The following MAGEA6 variants were observed in gnomAD, a reference collection of about 807,000 sequenced individuals.
The protein encoded by MAGEA6 is MAGE family member A6.
For synonymous variants in MAGEA6, 100 were observed against 98.8 expected, an observed-to-expected ratio of 1.01 and a Z score of -0.07; for missense variants, 281 against 231.4, an observed-to-expected ratio of 1.21 and a Z score of -1.39.
intron 2 of MAGEA6, 35 bp from the exon 3 acceptor site, chrX:152,767,750 T>C (rs1556837144): frequency 2.7e-6 from 1 of 377,081 alleles, no homozygotes; most frequent in South Asian, 3.5e-5. Context: ...AGACCTCAGC[T>C]GAGTACTGAA....
Position 152,766,812 on chromosome X carries a change from T to A in MAGEA6, c.839A>T (p.Glu280Val), listed in dbSNP as rs2124947704. The change falls in exon 3 of 3, where the codon GAA (glutamate) becomes GTA (valine). Residue 280 changes from glutamate to valine, a missense_variant. Coordinates refer to ENST00000329342, the MANE Select transcript of MAGEA6 (RefSeq NM_005363.5). ...GTGCAGGACTTTCACATAGCTGGTTTCAATGAGGGCCCTTGGACCCCACAG... is the reference window on the plus strand; with the variant it reads ...GTGCAGGACTTTCACATAGCTGGTTACAATGAGGGCCCTTGGACCCCACAG... ...EFLWGPRALI[E>V]TSYVKVLHHM... is the part of the protein sequence containing the mutation. 1 of 1,210,867 alleles carries A rather than the reference T, an allele frequency of 8.3e-7. No individual in the cohort carries two copies. The highest frequency in any genetic ancestry group is 1.1e-6 in the Non-Finnish European group (1 of 894,776).
Position 152,767,019 on chromosome X carries a change from T to G in MAGEA6, c.632A>C (p.Lys211Thr). 7 of 1,210,548 alleles carry G rather than the reference T, an allele frequency of 5.8e-6. No homozygotes were observed. The highest frequency in any genetic ancestry group is 7.8e-6 in the Non-Finnish European group (7 of 894,659). Residue 211 changes from lysine to threonine, a missense_variant, in exon 3 of 3, where the codon AAA (lysine) becomes ACA (threonine). Physicochemically the swap from Lys to Thr is moderately conservative, Grantham distance 78. Transcript: ENST00000329342. ...CTCCTCAGGGGCACAGTCGCCCTCT[T>G]TTGCGATTATGGCCAGGATGATTAT... is the stretch of plus-strand genomic sequence containing the variant. ...FLIIILAIIA[K>T]EGDCAPEEKI...
rs782213540 is a variant in MAGEA6, at chrX:152,766,744, G to C, written c.907C>G (p.Leu303Val). 13 of 1,210,630 alleles carry C rather than the reference G, an allele frequency of 1.1e-5. No homozygotes were observed. Among genetic ancestry groups the C allele is most frequent in the South Asian group, 1.8e-5 (1 of 56,818 alleles). ...TCTCTCAAAGCCCACTCATGCAGGA[G>C]TGGGTAGGAAATGCGAGGTCCTCCA... is the stretch of plus-strand genomic sequence containing the variant. ...ISGGPRISYPLLHEWALREGE... is the reference protein window; with the variant it reads ...ISGGPRISYPVLHEWALREGE... Residue 303 changes from leucine (L) to valine (V), a missense_variant, in exon 3 of 3, where the codon CTC becomes GTC. Transcript: ENST00000329342.
chrX:152,767,136 A>G lies in MAGEA6; in HGVS notation c.515T>C (p.Ile172Thr). Residue 172 changes from isoleucine to threonine, a missense_variant, in exon 3 of 3, where the codon ATC becomes ACC. Coordinates refer to ENST00000329342, the MANE Select transcript of MAGEA6 (RefSeq NM_005363.5). Reference protein sequence around the residue: ...FGIELMEVDPIGHVYIFATCL... With the variant: ...FGIELMEVDPTGHVYIFATCL... ...GGTGGCAAAGATGTACACGTGGCCG[A>G]TGGGGTCCACTTCCATCAGCTCGAT... 2 of 1,210,885 alleles carry G rather than the reference A, an allele frequency of 1.7e-6. No homozygotes were observed. The highest frequency in any genetic ancestry group is 1.1e-6 in the Non-Finnish European group (1 of 894,773).
rs1177869968 is a variant in MAGEA6, at chrX:152,766,331, TA to T, written c.*374del. The T allele has an allele frequency of 8.0e-6, 2 of 250,073 alleles. No individual in the cohort carries two copies. The highest frequency in any genetic ancestry group is 6.6e-5 in the African/African-American group (2 of 30,103). 20.6% of individuals were successfully genotyped at this position (250,073 alleles called of 1,213,427 possible). A position where few individuals can be genotyped will look rare whatever the true frequency, so the allele number is the denominator to read the frequency against. ...GCTCACAATTTTAAGCAAATACTTT[TA>T]CCACTGCTATTATTATGTCACAATT... On this transcript the variant is annotated 3_prime_UTR_variant, in exon 3 of 3. Coordinates refer to ENST00000329342, the MANE Select transcript of MAGEA6 (RefSeq NM_005363.5).
chrX:152,768,410 T>C (rs1190410867), intron 1 of MAGEA6, among the ~76,000 whole-genome samples: 1 of 59,842 alleles, frequency 1.7e-5, no homozygotes, highest in African/African-American at 5.0e-5. Flanking sequence ...ACGAGAGATG[T>C]CCAAATTTAT....
chrX:152,767,179 A>C lies in MAGEA6; in HGVS notation c.472T>G (p.Leu158Val), dbSNP rs1932751722. ...AGCTCGATGCCAAAGACCAGCTGCA[A>C]GGAATCGGAAGCTTTGCTGAAGATC... is the stretch of plus-strand genomic sequence containing the variant. ...PVIFSKASDS[L>V]QLVFGIELME... Residue 158 changes from leucine (L) to valine (V), a missense_variant, in exon 3 of 3, where the codon TTG (leucine) becomes GTG (valine). By Grantham distance (32) the Leu-to-Val change is conservative. Coordinates refer to ENST00000329342, the MANE Select transcript of MAGEA6 (RefSeq NM_005363.5). 8.3e-7 allele frequency: 1 copy of C among 1,209,085 alleles called. No individual in the cohort carries two copies. Among genetic ancestry groups the C allele is most frequent in the Non-Finnish European group, 1.1e-6 (1 of 894,463 alleles).
rs139896092 is a variant in MAGEA6 at position 152,767,080 on chromosome X, C to G, written c.571G>C (p.Gly191Arg). 8.3e-7 allele frequency: 1 copy of G among 1,210,776 alleles called. No individual in the cohort carries two copies. Among genetic ancestry groups the G allele is most frequent in the Non-Finnish European group, 1.1e-6 (1 of 894,756 alleles). The change falls in exon 3 of 3, where the codon GGT (glycine) becomes CGT (arginine). Residue 191 changes from glycine to arginine, a missense_variant. Physicochemically the swap from Gly to Arg is moderately radical, Grantham distance 125. Coordinates refer to ENST00000329342, the MANE Select transcript of MAGEA6 (RefSeq NM_005363.5). ...CLGLSYDGLL[G>R]DNQIMPKTGF... ...GTCTTGGGCATGATCTGATTGTCAC[C>G]CAGCAGGCCATCGTAGGAGAGGCCC...
rs2124946286 is a variant in MAGEA6 at position 152,767,098 on chromosome X, A to G, written c.553T>C (p.Ser185Pro). 8.3e-7 allele frequency: 1 copy of G among 1,210,815 alleles called. No individual in the cohort carries two copies. Among genetic ancestry groups the G allele is most frequent in the Non-Finnish European group, 1.1e-6 (1 of 894,749 alleles). Residue 185 changes from serine to proline, a missense_variant, in exon 3 of 3, where the codon TCC (serine) becomes CCC (proline). By Grantham distance (74) the Ser-to-Pro change is moderately conservative. Coordinates refer to ENST00000329342, the MANE Select transcript of MAGEA6 (RefSeq NM_005363.5). Reference protein sequence around the residue: ...VYIFATCLGLSYDGLLGDNQI... With the variant: ...VYIFATCLGLPYDGLLGDNQI... ...TTGTCACCCAGCAGGCCATCGTAGG[A>G]GAGGCCCAGGCAGGTGGCAAAGATG...
chrX:152,767,718 G>C lies in MAGEA6; in HGVS notation c.-65-3C>G. On this transcript the variant is annotated splice_region_variant and splice_polypyrimidine_tract_variant and intron_variant, in intron 2 of 2. Transcript: ENST00000329342. ...CTGGGCAATGGAGACCCACTGGCCT[G>C]GGGAGAGAGGGAGCATGTGAGAGAC... 2.5e-6 allele frequency: 1 copy of C among 403,829 alleles called. No homozygotes were observed. The highest frequency in any genetic ancestry group is 4.5e-6 in the Non-Finnish European group (1 of 224,481). The allele number at this position is 403,829 out of a possible 1,213,427, so 33.3% of individuals were successfully genotyped here.
Position 152,767,174 on chromosome X carries a change from C to T in MAGEA6, c.477G>A (p.Gln159=). ...CCATCAGCTCGATGCCAAAGACCAG[C>T]TGCAAGGAATCGGAAGCTTTGCTGA... ...VIFSKASDSL[Q]LVFGIELMEV... is the part of the protein sequence containing the mutation. The change falls in exon 3 of 3, where the codon CAG becomes CAA. Residue 159 remains glutamine (Q), a synonymous_variant. Transcript: ENST00000329342. 8.3e-7 allele frequency: 1 copy of T among 1,210,918 alleles called. No homozygotes were observed. The highest frequency in any genetic ancestry group is 1.1e-6 in the Non-Finnish European group (1 of 894,766).
rs1556826945 is a variant in MAGEA6 at position 152,766,880 on chromosome X, C to T, written c.771G>A (p.Glu257=). The change falls in exon 3 of 3, where the codon GAG becomes GAA. Residue 257 remains glutamate (E), a synonymous_variant. Transcript: ENST00000329342. Reference sequence around the variant, plus strand: ...GATCACTGCCGGGGACCTGCCGGTACTCCAGGTAGTTTTCCTGCACGAAAT... The same window carrying T: ...GATCACTGCCGGGGACCTGCCGGTATTCCAGGTAGTTTTCCTGCACGAAAT... The part of the protein sequence containing the change: ...TQYFVQENYL[E]YRQVPGSDPA... The T allele has an allele frequency of 9.0e-4, 1,089 of 1,209,485 alleles. 7 individuals are homozygous for T. In the South Asian group the frequency reaches 0.011, roughly 12 times the overall value.
Position 152,766,803 on chromosome X carries a change from T to G in MAGEA6, c.848A>C (p.Tyr283Ser). ...WGPRALIETS[Y>S]VKVLHHMVKI... is the part of the protein sequence containing the mutation. ...TACCATATGGTGCAGGACTTTCACA[T>G]AGCTGGTTTCAATGAGGGCCCTTGG... Residue 283 changes from tyrosine (Y) to serine (S), a missense_variant, in exon 3 of 3, where the codon TAT becomes TCT. Coordinates refer to ENST00000329342, the MANE Select transcript of MAGEA6 (RefSeq NM_005363.5). 1.7e-6 allele frequency: 2 copies of G among 1,210,763 alleles called. No individual in the cohort carries two copies. Among genetic ancestry groups the G allele is most frequent in the Non-Finnish European group, 2.2e-6 (2 of 894,735 alleles).
At position 152,766,952 on chromosome X, in the gene MAGEA6, C is replaced by T; in HGVS notation, c.699G>A (p.Gly233=). 1 of 1,210,908 alleles carries T rather than the reference C, an allele frequency of 8.3e-7. No individual in the cohort carries two copies. Among genetic ancestry groups the T allele is most frequent in the South Asian group, 1.8e-5 (1 of 56,891 alleles). Residue 233 remains glycine, a synonymous_variant, in exon 3 of 3, where the codon GGG becomes GGA. Transcript: ENST00000329342. ...EELSVLEVFE[G]REDSIFGDPK... Reference sequence around the variant, plus strand: ...GATCCCCGAAGATACTGTCTTCCCTCCCCTCAAACACCTCTAACACACTCA... The same window carrying T: ...GATCCCCGAAGATACTGTCTTCCCTTCCCTCAAACACCTCTAACACACTCA...
intron 1 of MAGEA6, among the ~76,000 whole-genome samples, chrX:152,768,452 C>A (rs1932767679): frequency 1.4e-5 from 1 of 70,532 alleles, no homozygotes; most frequent in Admixed American, 1.7e-4. Context: ...GAGGAGACTG[C>A]TTGGTCCTCA....
rs782026854 is a variant in MAGEA6, at chrX:152,766,696, G to A, written c.*10C>T. On this transcript the variant is annotated 3_prime_UTR_variant, in exon 3 of 3. Transcript: ENST00000329342. Reference sequence around the variant, plus strand: ...CTCCCACTGGCCCTGGCTGCAACTCGTGCTCAGACTCACTCTTCCCCCTCT... The same window carrying A: ...CTCCCACTGGCCCTGGCTGCAACTCATGCTCAGACTCACTCTTCCCCCTCT... 2.3e-5 allele frequency: 28 copies of A among 1,202,929 alleles called. No individual in the cohort carries two copies. The highest frequency in any genetic ancestry group is 5.3e-5 in the African/African-American group (3 of 56,819).
Position 152,766,641 on chromosome X carries a change from G to A in MAGEA6, c.*65C>T, listed in dbSNP as rs1270759951. On this transcript the variant is annotated 3_prime_UTR_variant, in exon 3 of 3. Transcript: ENST00000329342. ...GGAGGCAGTGGAAACTAAGGGATGGGGCCCCGGAAGGTGCACTGGCCCAAA... is the reference window on the plus strand; with the variant it reads ...GGAGGCAGTGGAAACTAAGGGATGGAGCCCCGGAAGGTGCACTGGCCCAAA... 467 of 1,137,616 alleles carry A rather than the reference G, an allele frequency of 4.1e-4. 2 individuals carry two copies. The highest frequency in any genetic ancestry group is 5.1e-4 in the Non-Finnish European group (433 of 848,448). 93.8% of individuals were successfully genotyped at this position (1,137,616 alleles called of 1,213,427 possible).
Position 152,766,739 on chromosome X carries a change from C to G in MAGEA6, c.912G>C (p.Leu304=), listed in dbSNP as rs1556827200. 1.3e-3 allele frequency: 1,565 copies of G among 1,208,400 alleles called. 15 individuals are homozygous for G. The African/African-American group carries it at 0.024, about 19-fold the overall frequency. The change falls in exon 3 of 3, where the codon CTG becomes CTC. Residue 304 remains leucine (L), a synonymous_variant. Transcript: ENST00000329342. ...SGGPRISYPL[L]HEWALREGEE ...CCCCCTCTCTCAAAGCCCACTCATGCAGGAGTGGGTAGGAAATGCGAGGTC... is the reference window on the plus strand; with the variant it reads ...CCCCCTCTCTCAAAGCCCACTCATGGAGGAGTGGGTAGGAAATGCGAGGTC...
rs2124944840 is a variant in MAGEA6, at chrX:152,767,408, G to A, written c.243C>T (p.Ser81=). Residue 81 remains serine (S), a synonymous_variant, in exon 3 of 3, where the codon AGC becomes AGT. Transcript: ENST00000329342. ...LPTTMNYPLW[S]QSYEDSSNQE... is the part of the protein sequence containing the mutation. ...GGTTGCTGGAGTCCTCATAGGATTG[G>A]CTCCAGAGAGGGTAGTTCATGGTAG... 1 of 1,203,716 alleles carries A rather than the reference G, an allele frequency of 8.3e-7. No individual in the cohort carries two copies.
Sources: allele counts gnomAD v4.1 joint callset (sites outside exome capture counted in the v4.1 genomes callset), GRCh38; gene constraint gnomAD v4.1.1; transcripts MANE v1.5; gene names NCBI Gene and HGNC (gene_info 2026-07-23, HGNC 2026-07-21).